CDH13: variants seen among roughly 807,000 people sequenced by gnomAD.
CDH13 encodes the protein cadherin-13.
CDH13 carries 24 observed loss-of-function variants against 63.8 expected under a neutral mutation model. That is an observed-to-expected ratio of 0.38 (90% CI 0.27 to 0.53). The LOEUF is 0.53. CDH13 is among the 20% of genes least tolerant of loss of function. The pLI is 0.85. For missense variants in CDH13, 1,049 were observed against 903.1 expected, an observed-to-expected ratio of 1.16 and a Z score of -2.07; for synonymous variants, 503 against 355.3, an observed-to-expected ratio of 1.42 and a Z score of -4.67.
intron 2 of CDH13, among the ~76,000 whole-genome samples, chr16:83,014,771 TATATGTATATATATATA>T (rs1567745750): frequency 2.6e-5 from 1 of 37,756 alleles, no homozygotes; most frequent in African/African-American, 8.0e-5. Context: ...TATATATATA[TATATGTATATATATATA>T]TTTGTATATA....
intron 3 of CDH13, among the ~76,000 whole-genome samples, chr16:83,116,609 C>T (rs569936073): frequency 1.3e-5 from 2 of 152,314 alleles, no homozygotes; most frequent in South Asian, 4.1e-4. Context: ...ACATATACAG[C>T]CAGTGGCTGT....
chr16:83,130,968 AGG>A (rs1449490002), intron 4 of CDH13, among the ~76,000 whole-genome samples: 1 of 152,224 alleles, frequency 6.6e-6, no homozygotes, highest in Non-Finnish European at 1.5e-5. Flanking sequence ...TACCCACAGC[AGG>A]GTTATTCAGG....
chr16:82,667,973 C>T (rs185763575), intron 1 of CDH13, among the ~76,000 whole-genome samples: 101 of 152,226 alleles, frequency 6.6e-4, no homozygotes, highest in Non-Finnish European at 1.1e-3. Context: ...CACAGGTTCT[C>T]GTCTCTACTT....
chr16:82,851,777 A>C (rs1294776378), intron 1 of CDH13, among the ~76,000 whole-genome samples: 1 of 151,974 alleles, frequency 6.6e-6, no homozygotes, highest in Non-Finnish European at 1.5e-5. Context: ...CCCTTCCAGG[A>C]CTCTGGGTTT....
chr16:83,628,118 A>G (rs1275058187), intron 8 of CDH13, among the ~76,000 whole-genome samples: 2 of 152,140 alleles, frequency 1.3e-5, no homozygotes, highest in African/African-American at 4.8e-5. Context: ...CAAGGTCTTC[A>G]TGACCTGTAT....
At chr16:83,177,757 G>T (rs1401729628) in intron 4 of CDH13, among the ~76,000 whole-genome samples, 1 of 152,112 alleles carries the variant, frequency 6.6e-6, no homozygotes, top group Non-Finnish European at 1.5e-5. Context: ...TAGGAGAAAT[G>T]GCTTAAGAAC....
At chr16:83,582,758 G>C (rs1040028093) in intron 7 of CDH13, among the ~76,000 whole-genome samples, 1 of 152,230 alleles carries the variant, frequency 6.6e-6, no homozygotes, top group Non-Finnish European at 1.5e-5. Flanking sequence ...GCTTCCTGAA[G>C]ACTGAGCTCT....
At chr16:82,635,763 G>C (rs951442853) in intron 1 of CDH13, among the ~76,000 whole-genome samples, 1 of 152,142 alleles carries the variant, frequency 6.6e-6, no homozygotes, top group Non-Finnish European at 1.5e-5. Flanking sequence ...ATGTCATATT[G>C]TAATCCCTAA....
chr16:83,442,324 G>C (rs913241623), intron 6 of CDH13, among the ~76,000 whole-genome samples: 1 of 152,162 alleles, frequency 6.6e-6, no homozygotes, highest in Non-Finnish European at 1.5e-5. Flanking sequence ...ATCTAGATGA[G>C]ATTTATCCAA....
At chr16:83,082,702 T>C (rs1248516738) in intron 3 of CDH13, among the ~76,000 whole-genome samples, 1 of 152,132 alleles carries the variant, frequency 6.6e-6, no homozygotes, top group Non-Finnish European at 1.5e-5. Flanking sequence ...AGCAATGGAC[T>C]AAAGCCTCAA....
At chr16:83,246,026 T>C (rs985210007) in intron 5 of CDH13, among the ~76,000 whole-genome samples, 4 of 152,234 alleles carry the variant, frequency 2.6e-5, no homozygotes, top group African/African-American at 9.6e-5. Flanking sequence ...TGTGAACCAC[T>C]GCGCCTGGCC....
In CDH13 at chr16:83,449,373, G is replaced by A. The variant is rs79899163; in HGVS notation, c.782-37104G>A. Reference sequence around the variant, plus strand: ...ACAGGGCTCATGGAAGTCCCTGTCCGCTGGGCAAAGGAGAAACGGCTCCCT... The same window carrying A: ...ACAGGGCTCATGGAAGTCCCTGTCCACTGGGCAAAGGAGAAACGGCTCCCT... On this transcript the variant is annotated intron_variant, in intron 6 of 13. Transcript: ENST00000567109. Among the ~76,000 whole-genome samples the A allele has an allele frequency of 2.8e-3, 422 of 152,222 alleles. 10 individuals are homozygous for A. The East Asian group carries it at 0.03, about 11-fold the overall frequency.
At chr16:83,057,757 A>G (rs2031095475) in intron 3 of CDH13, among the ~76,000 whole-genome samples, 1 of 152,184 alleles carries the variant, frequency 6.6e-6, no homozygotes, top group Admixed American at 6.5e-5. Flanking sequence ...ACCGTCTAAG[A>G]TAAGATCACC....
Position 83,067,124 on chromosome 16 carries a change from A to G in CDH13, c.366+34906A>G, listed in dbSNP as rs149333823. ...TTAGGTAGTAGAGTTTCACTTCCCTAGGAGCCATTTTGTCTTTGCTACATT... is the reference window on the plus strand; with the variant it reads ...TTAGGTAGTAGAGTTTCACTTCCCTGGGAGCCATTTTGTCTTTGCTACATT... On this transcript the variant is annotated intron_variant, in intron 3 of 13. Coordinates refer to ENST00000567109, the MANE Select transcript of CDH13 (RefSeq NM_001257.5). Among the ~76,000 whole-genome samples the G allele has an allele frequency of 3.7e-4, 57 of 152,288 alleles. No homozygotes were observed. The Middle Eastern group carries it at 0.01, about 27-fold the overall frequency.
At chr16:83,269,072 GA>G (rs2088715844) in intron 5 of CDH13, among the ~76,000 whole-genome samples, 1 of 152,194 alleles carries the variant, frequency 6.6e-6, no homozygotes, top group African/African-American at 2.4e-5. Context: ...GTTTTAAACA[GA>G]AAAACAATGA....
At chr16:82,858,560 T>G in intron 2 of CDH13, 87 bp downstream of exon 2, 3 of 878,818 alleles carry the variant, frequency 3.4e-6, no homozygotes, top group Non-Finnish European at 1.9e-6. Flanking sequence ...GATGTGGTAT[T>G]TCCTAAACTA....
intron 5 of CDH13, among the ~76,000 whole-genome samples, chr16:83,291,643 A>C (rs17196062): frequency 0.27 from 40,454 of 151,986 alleles, 5,704 homozygotes; most frequent in Admixed American, 0.35. Context: ...GGCCGTCATA[A>C]CTGTTTGATG....
At position 83,727,170 on chromosome 16, in the gene CDH13, G is replaced by A. The variant is rs1910510107; in HGVS notation, c.1539-20938G>A. On this transcript the variant is annotated intron_variant, in intron 10 of 13. Coordinates refer to ENST00000567109, the MANE Select transcript of CDH13 (RefSeq NM_001257.5). ...AAGAGAAGCCCCATCCCCCTTAACC[G>A]TTAACGTGCTTCCTTCTCCCCACTG... Among the ~76,000 whole-genome samples, 4 of 151,886 alleles carry A rather than the reference G, an allele frequency of 2.6e-5. 1 individual carries two copies. In the South Asian group the frequency reaches 8.4e-4, roughly 32 times the overall value.
chr16:83,276,536 T>G (rs1356249470), intron 5 of CDH13, among the ~76,000 whole-genome samples: 1 of 152,160 alleles, frequency 6.6e-6, no homozygotes, highest in Non-Finnish European at 1.5e-5. Context: ...CAGTTTCCCA[T>G]GGCTGGGGAG....
Sources: gnomAD v4.1 joint callset for allele counts (sites outside exome capture counted in the v4.1 genomes callset) on GRCh38, gnomAD v4.1.1 for gene constraint, MANE v1.5 for transcripts, NCBI Gene and HGNC (gene_info 2026-07-23, HGNC 2026-07-21) for gene names.